Variants in CHL1 observed in about 807,000 individuals in gnomAD.
The protein encoded by CHL1 is neural cell adhesion molecule L1-like protein.
Under a neutral mutation model 141.9 loss-of-function variants are expected in CHL1, and 96 were observed. That is an observed-to-expected ratio of 0.68 (90% CI 0.57 to 0.80). The LOEUF is 0.80. CHL1 is among the 30% of genes least tolerant of loss of function. CHL1 has a pLI of 0.00. For synonymous variants in CHL1, 613 were observed against 502.2 expected (o/e 1.22, Z -2.95); for missense variants, 1,820 against 1,457.2 (o/e 1.25, Z -4.05).
intron 1 of CHL1, among the ~76,000 whole-genome samples, chr3:228,050 A>G (rs1701517379): frequency 6.6e-6 from 1 of 152,170 alleles, no homozygotes; most frequent in Admixed American, 6.5e-5. Context: ...TTTGGCATAC[A>G]GCTTTTCGAT....
intron 1 of CHL1, among the ~76,000 whole-genome samples, chr3:231,676 A>T (rs574051129): frequency 6.7e-6 from 1 of 148,486 alleles, no homozygotes; most frequent in East Asian, 2.0e-4. Context: ...CTCCTGGTTC[A>T]AGCAATTCTC....
rs144634693 is a variant in CHL1 at position 236,476 on chromosome 3, A to C, written c.-174-8137A>C. On this transcript the variant is annotated intron_variant, in intron 1 of 27. Coordinates refer to ENST00000256509, the MANE Select transcript of CHL1 (RefSeq NM_006614.4). ...TGATGTTCTTGGACAGTAGCAATGA[A>C]ATGCATATCCTCATTTCTATGAATA... Among the ~76,000 whole-genome samples the C allele has an allele frequency of 3.6e-3, 541 of 152,262 alleles. 4 individuals carry two copies. The highest frequency in any genetic ancestry group is 0.012 in the African/African-American group (518 of 41,552).
intron 1 of CHL1, among the ~76,000 whole-genome samples, chr3:223,420 A>G (rs962795861): frequency 6.6e-6 from 1 of 152,232 alleles, no homozygotes; most frequent in Non-Finnish European, 1.5e-5. Flanking sequence ...GTAATTTACT[A>G]TTCAGAATGT....
chr3:369,726 C>T (rs538632624), intron 15 of CHL1, among the ~76,000 whole-genome samples: 6 of 152,274 alleles, frequency 3.9e-5, no homozygotes, highest in African/African-American at 1.4e-4. Flanking sequence ...ATGATATTGG[C>T]TGTGGGTTTA....
intron 2 of CHL1, among the ~76,000 whole-genome samples, chr3:315,800 C>G (rs1191888951): frequency 6.6e-6 from 1 of 151,980 alleles, no homozygotes; most frequent in East Asian, 1.9e-4. Flanking sequence ...GGTTCATTGT[C>G]TCATGTCAAG....
At chr3:264,468 A>G in intron 2 of CHL1, among the ~76,000 whole-genome samples, 1 of 152,200 alleles carries the variant, frequency 6.6e-6, no homozygotes, top group East Asian at 1.9e-4. Flanking sequence ...CTTGCTGGGA[A>G]TTCGCCTCTT....
In CHL1 at chr3:382,582, T is replaced by A; in HGVS notation, c.2087T>A (p.Val696Glu). 1 of 1,612,338 alleles carries A rather than the reference T, an allele frequency of 6.2e-7. No individual in the cohort carries two copies. Among genetic ancestry groups the A allele is most frequent in the Non-Finnish European group, 8.5e-7 (1 of 1,178,530 alleles). The stretch of plus-strand genomic sequence containing the variant: ...GTTATCTTACCTTTGGCTCCATTTG[T>A]GAGATACCAGTTCAGGGTCATAGCC... ...TTVILPLAPF[V>E]RYQFRVIAVN... The change falls in exon 18 of 28, where the codon GTG becomes GAG. Residue 696 changes from valine to glutamate, a missense_variant. Physicochemically the swap from Val to Glu is moderately radical, Grantham distance 121. Coordinates refer to ENST00000256509, the MANE Select transcript of CHL1 (RefSeq NM_006614.4).
intron 2 of CHL1, among the ~76,000 whole-genome samples, chr3:281,618 G>A (rs145154033): frequency 6.7e-6 from 1 of 148,996 alleles, no homozygotes; most frequent in East Asian, 2.0e-4. Flanking sequence ...GGAATGCAGT[G>A]GCACAATCTC....
chr3:382,626 A>G lies in CHL1; in HGVS notation c.2131A>G (p.Ser711Gly). 6.2e-7 allele frequency: 1 copy of G among 1,613,876 alleles called. No homozygotes were observed. The highest frequency in any genetic ancestry group is 8.5e-7 in the Non-Finnish European group (1 of 1,179,870). The change falls in exon 18 of 28, where the codon AGT becomes GGT. Residue 711 changes from serine to glycine, a missense_variant. By Grantham distance (56) the Ser-to-Gly change is moderately conservative. Transcript: ENST00000256509. The stretch of plus-strand genomic sequence containing the variant: ...CATAGCCGTGAACGAAGTAGGGAGA[A>G]GTCAGCCTAGCCAGCCGTCAGACCA... ...RVIAVNEVGR[S>G]QPSQPSDHHE...
intron 5 of CHL1, among the ~76,000 whole-genome samples, chr3:339,948 A>T (rs1417595494): frequency 6.6e-6 from 1 of 152,162 alleles, no homozygotes; most frequent in African/African-American, 2.4e-5. Flanking sequence ...AGACTGTGTA[A>T]TTCTATAATG....
rs1709696827 is a variant in CHL1, at chr3:408,946, T to A, written c.*3235T>A. 6.6e-6 allele frequency: 1 copy of A among 152,082 alleles called. No individual in the cohort carries two copies. Among genetic ancestry groups the A allele is most frequent in the Non-Finnish European group, 1.5e-5 (1 of 67,988 alleles). 9.4% of individuals were successfully genotyped at this position (152,082 alleles called of 1,614,324 possible). A position where few individuals can be genotyped will look rare whatever the true frequency, so the allele number is the denominator to read the frequency against. On this transcript the variant is annotated 3_prime_UTR_variant, in exon 28 of 28. Transcript: ENST00000256509. ...ATATTTTTTTCCTATTTTATACTCA[T>A]GGAAGAGATAAGCTAAAGAGGGGAC... is the stretch of plus-strand genomic sequence containing the variant.
intron 8 of CHL1, among the ~76,000 whole-genome samples, chr3:344,319 T>C (rs1349676882): frequency 6.6e-6 from 1 of 152,194 alleles, no homozygotes; most frequent in South Asian, 2.1e-4. Flanking sequence ...CTGTTTGACC[T>C]TCTGAGTTAG....
intron 1 of CHL1, among the ~76,000 whole-genome samples, chr3:242,681 A>AAC (rs71634793): frequency 1.3e-4 from 18 of 142,986 alleles, no homozygotes; most frequent in South Asian, 4.5e-4. Flanking sequence ...CATGCACACA[A>AAC]ACACACACAC....
chr3:284,297 C>T (rs542147804), intron 2 of CHL1, among the ~76,000 whole-genome samples: 3 of 152,134 alleles, frequency 2.0e-5, no homozygotes, highest in Admixed American at 2.0e-4. Flanking sequence ...AAGAGGAAAA[C>T]AAACAAAGAT....
intron 1 of CHL1, among the ~76,000 whole-genome samples, chr3:215,040 G>T (rs1339565901): frequency 6.6e-6 from 1 of 151,732 alleles, no homozygotes; most frequent in Non-Finnish European, 1.5e-5. Context: ...CATTCTCTTA[G>T]GCTATACATT....
chr3:321,173 T>C (rs924670650), intron 3 of CHL1, among the ~76,000 whole-genome samples: 2 of 152,096 alleles, frequency 1.3e-5, no homozygotes, highest in Admixed American at 6.6e-5. Flanking sequence ...TTTTATATTA[T>C]GCACTTTGGA....
chr3:274,530 A>G (rs1559366624), intron 2 of CHL1, among the ~76,000 whole-genome samples: 1 of 152,220 alleles, frequency 6.6e-6, no homozygotes, highest in African/African-American at 2.4e-5. Context: ...ATTAACCCAC[A>G]ATATTCTAAT....
intron 15 of CHL1, among the ~76,000 whole-genome samples, chr3:369,767 G>T (rs1163970634): frequency 6.6e-6 from 1 of 152,150 alleles, no homozygotes; most frequent in Non-Finnish European, 1.5e-5. Flanking sequence ...TTTGAGATGT[G>T]TTCCATCAAT....
intron 2 of CHL1, among the ~76,000 whole-genome samples, chr3:258,706 A>C (rs758762022): frequency 6.6e-6 from 1 of 152,174 alleles, no homozygotes; most frequent in Non-Finnish European, 1.5e-5. Context: ...AGTTTTAAAT[A>C]GAAGCATTTA....
Sources: allele counts gnomAD v4.1 joint callset (sites outside exome capture counted in the v4.1 genomes callset), GRCh38; gene constraint gnomAD v4.1.1; transcripts MANE v1.5; gene names NCBI Gene and HGNC (gene_info 2026-07-23, HGNC 2026-07-21).